XPNPEP2: variants seen among roughly 807,000 people sequenced by gnomAD.
XPNPEP2 encodes xaa-Pro aminopeptidase 2.
Under a neutral mutation model 59.8 loss-of-function variants are expected in XPNPEP2, and 64 were observed. The observed-to-expected ratio is 1.07, with a 90% CI of 0.87 to 1.32. The LOEUF is 1.32. Ranked by LOEUF, XPNPEP2 falls within the 40% of genes most tolerant of loss-of-function variation. The pLI is 0.00. For missense variants in XPNPEP2, 575 were observed against 546.8 expected (o/e 1.05, Z -0.51); for synonymous variants, 235 against 210.0 (o/e 1.12, Z -1.03).
At chrX:129,750,030 C>T (rs771497223) in intron 7 of XPNPEP2, among the ~76,000 whole-genome samples, 132 of 113,016 alleles carry the variant, frequency 1.2e-3, no homozygotes, top group Middle Eastern at 4.6e-3. Context: ...CCCCTTTGTC[C>T]TTCAACTAGG....
rs1410355487 is a variant in XPNPEP2, at chrX:129,743,968, C to T, written c.131C>T (p.Pro44Leu). 3 of 1,204,474 alleles carry T rather than the reference C, an allele frequency of 2.5e-6. No homozygotes were observed. Among genetic ancestry groups the T allele is most frequent in the Non-Finnish European group, 3.4e-6 (3 of 890,086 alleles). The change falls in exon 3 of 21, where the codon CCA becomes CTA. Residue 44 changes from proline to leucine, a missense_variant. Pro to Leu is a moderately conservative substitution (Grantham distance 98, BLOSUM62 -3). Coordinates refer to ENST00000371106, the MANE Select transcript of XPNPEP2 (RefSeq NM_003399.6). ...RNCSTNPPYL[P>L]VTVVNTTMSL... ...CTTCTTGTCATCTGTCAGTACCTTC[C>T]AGTTACTGTGGTCAATACCACAATG...
At position 129,752,206 on chromosome X, in the gene XPNPEP2, G is replaced by C; in HGVS notation, c.878G>C (p.Ser293Thr). The change falls in exon 10 of 21, where the codon AGT becomes ACT. Residue 293 changes from serine (S) to threonine (T), a missense_variant. Coordinates refer to ENST00000371106, the MANE Select transcript of XPNPEP2 (RefSeq NM_003399.6). ...GAAACCTTGAGCTATCTGAACTCCA[G>C]TTGCACAGGCCCCATGTGTGTGCAA... is the stretch of plus-strand genomic sequence containing the variant. Reference protein sequence around the residue: ...SSETLSYLNSSCTGPMCVQIE... With the variant: ...SSETLSYLNSTCTGPMCVQIE... 8.3e-7 allele frequency: 1 copy of C among 1,211,081 alleles called. No individual in the cohort carries two copies. Among genetic ancestry groups the C allele is most frequent in the Non-Finnish European group, 1.1e-6 (1 of 895,141 alleles).
At position 129,742,200 on chromosome X, in the gene XPNPEP2, C is replaced by T. The variant is rs1926201359; in HGVS notation, c.123+19C>T. The stretch of plus-strand genomic sequence containing the variant: ...CCCCCCTGTGAGTGCCCCCTGCCCC[C>T]CGCGCACGGCCCCCCTGGCCCCACG... On this transcript the variant is annotated intron_variant, in intron 2 of 20. Coordinates refer to ENST00000371106, the MANE Select transcript of XPNPEP2 (RefSeq NM_003399.6). The T allele has an allele frequency of 1.1e-6, 1 of 911,420 alleles. No individual in the cohort carries two copies. Among genetic ancestry groups the T allele is most frequent in the Non-Finnish European group, 1.4e-6 (1 of 691,147 alleles). The allele number at this position is 911,420 out of a possible 1,213,427, so 75.1% of individuals were successfully genotyped here.
chrX:129,767,776 C>A, intron 20 of XPNPEP2, 84 bp downstream of exon 20: 2 of 1,035,898 alleles, frequency 1.9e-6, no homozygotes, highest in South Asian at 1.9e-5. Context: ...CTGTCCCTGC[C>A]CCTCCTCCAG....
Position 129,755,325 on chromosome X carries a change from G to A in XPNPEP2, c.1249G>A (p.Glu417Lys), listed in dbSNP as rs773361339. ...EEQFSSGPSF[E>K]TISASGLNAA... ...ACAGTTCTCCTCCGGACCCAGTTTT[G>A]AAACCATCTCTGCTAGTGGTCTGAA... The change falls in exon 13 of 21, where the codon GAA (glutamate) becomes AAA (lysine). Residue 417 changes from glutamate (E) to lysine (K), a missense_variant. Physicochemically the swap from Glu to Lys is moderately conservative, Grantham distance 56. Coordinates refer to ENST00000371106, the MANE Select transcript of XPNPEP2 (RefSeq NM_003399.6). The A allele has an allele frequency of 8.3e-7, 1 of 1,211,986 alleles. No individual in the cohort carries two copies. The highest frequency in any genetic ancestry group is 1.8e-5 in the South Asian group (1 of 57,010).
chrX:129,742,788 G>T (rs190510267), intron 2 of XPNPEP2, among the ~76,000 whole-genome samples: 3 of 111,713 alleles, frequency 2.7e-5, no homozygotes, highest in African/African-American at 9.8e-5. Context: ...TGTAATCCCC[G>T]CTACTCAGGA....
chrX:129,745,090 G>T, intron 3 of XPNPEP2, 113 bp from the exon 4 acceptor site: 1 of 907,035 alleles, frequency 1.1e-6, no homozygotes, highest in Non-Finnish European at 1.6e-6. Context: ...TGGGCTTGTA[G>T]CTGACAAGGG....
chrX:129,755,844 AG>A (rs921427810), intron 13 of XPNPEP2, among the ~76,000 whole-genome samples: 2 of 112,597 alleles, frequency 1.8e-5, no homozygotes, highest in Admixed American at 1.9e-4. Flanking sequence ...ATGCCCTCCA[AG>A]GGAGTGCCTG....
rs763876477 is a variant in XPNPEP2, at chrX:129,750,455, C to A, written c.638-13C>A. On this transcript the variant is annotated splice_polypyrimidine_tract_variant and intron_variant, in intron 7 of 20. Coordinates refer to ENST00000371106, the MANE Select transcript of XPNPEP2 (RefSeq NM_003399.6). ...CTGTCACTTACACTTTTTTGGGGCT[C>A]CTTTGCTTCTAGGGAGCACTTGGCA... is the stretch of plus-strand genomic sequence containing the variant. The A allele has an allele frequency of 2.5e-6, 3 of 1,177,239 alleles. No individual in the cohort carries two copies. The African/African-American group carries it at 5.3e-5, about 21-fold the overall frequency.
rs751687483 is a variant in XPNPEP2, at chrX:129,739,003, G to T, written c.-211G>T. ...CACAGTCCGCCTCGGGCAGCCCAAA[G>T]CTCCTCTGCCCACCCTGGCTCCCAG... On this transcript the variant is annotated 5_prime_UTR_variant, in exon 1 of 21. Coordinates refer to ENST00000371106, the MANE Select transcript of XPNPEP2 (RefSeq NM_003399.6). The T allele has an allele frequency of 2.3e-6, 1 of 439,502 alleles. No individual in the cohort carries two copies. The highest frequency in any genetic ancestry group is 4.0e-6 in the Non-Finnish European group (1 of 252,947). The allele number at this position is 439,502 out of a possible 1,213,427, so 36.2% of individuals were successfully genotyped here. A position where few individuals can be genotyped will look rare whatever the true frequency, so the allele number is the denominator to read the frequency against.
Position 129,762,693 on chromosome X carries a change from G to T in XPNPEP2, c.1664-1G>T. Reference sequence around the variant, plus strand: ...GCCACCAGCATCTCTGTGTCTCCCAGAACCTGGTTACTATAAGGATGGAGA... The same window carrying T: ...GCCACCAGCATCTCTGTGTCTCCCATAACCTGGTTACTATAAGGATGGAGA... On this transcript the variant is annotated splice_acceptor_variant, in intron 18 of 20. Transcript: ENST00000371106. LOFTEE classifies it high-confidence loss of function. The T allele has an allele frequency of 8.3e-7, 1 of 1,211,404 alleles. No homozygotes were observed. The highest frequency in any genetic ancestry group is 1.7e-5 in the African/African-American group (1 of 57,848).
chrX:129,759,408 C>T (rs1453974894), intron 15 of XPNPEP2, among the ~76,000 whole-genome samples, 168 bp downstream of exon 15: 1 of 112,709 alleles, frequency 8.9e-6, no homozygotes, highest in Non-Finnish European at 1.9e-5. Flanking sequence ...GCTGCTTCCC[C>T]GGGGATATTT....
intron 8 of XPNPEP2, among the ~76,000 whole-genome samples, 200 bp from the exon 9 acceptor site, chrX:129,751,545 A>AGAAG: frequency 2.5e-5 from 1 of 39,541 alleles, no homozygotes; most frequent in Non-Finnish European, 4.5e-5. Flanking sequence ...GAAGAAAGAA[A>AGAAG]GAAAGAAAGA....
chrX:129,747,592 T>C lies in XPNPEP2; in HGVS notation c.491-15T>C, dbSNP rs1175966755. ...AAATGGGCAAGGGACAAGTGACTCC[T>C]TCTTGTCTCTGCAGACACCTGGGAG... is the stretch of plus-strand genomic sequence containing the variant. On this transcript the variant is annotated splice_polypyrimidine_tract_variant and intron_variant, in intron 6 of 20. Coordinates refer to ENST00000371106, the MANE Select transcript of XPNPEP2 (RefSeq NM_003399.6). The C allele has an allele frequency of 1.7e-6, 2 of 1,208,104 alleles. No homozygotes were observed. Among genetic ancestry groups the C allele is most frequent in the Non-Finnish European group, 2.2e-6 (2 of 893,645 alleles).
chrX:129,751,212 A>C (rs1020914047), intron 8 of XPNPEP2, among the ~76,000 whole-genome samples: 3 of 107,336 alleles, frequency 2.8e-5, no homozygotes, highest in Admixed American at 2.0e-4. Context: ...AAAGTGTCAG[A>C]AATGCTTGCC....
rs1341690934 is a variant in XPNPEP2, at chrX:129,747,633, C to T, written c.517C>T (p.Leu173Phe). 5.0e-6 allele frequency: 6 copies of T among 1,210,319 alleles called. No individual in the cohort carries two copies. Among genetic ancestry groups the T allele is most frequent in the Non-Finnish European group, 5.6e-6 (5 of 895,353 alleles). ...IDTWESYDLA[L>F]QGSNRQLVSI... is the part of the protein sequence containing the mutation. The stretch of plus-strand genomic sequence containing the variant: ...CACCTGGGAGAGTTATGATCTGGCC[C>T]TCCAAGGCTCTAACAGACAGCTGGT... The change falls in exon 7 of 21, where the codon CTC (leucine) becomes TTC (phenylalanine). Residue 173 changes from leucine to phenylalanine, a missense_variant. Coordinates refer to ENST00000371106, the MANE Select transcript of XPNPEP2 (RefSeq NM_003399.6).
chrX:129,761,175 G>T lies in XPNPEP2; in HGVS notation c.1502G>T (p.Arg501Leu), dbSNP rs763557610. The change falls in exon 17 of 21, where the codon CGA becomes CTA. Residue 501 changes from arginine to leucine, a missense_variant. Physicochemically the swap from Arg to Leu is moderately radical, Grantham distance 102 (BLOSUM62 -2). Transcript: ENST00000371106. ...RLIFPAATSG[R>L]MVEAFARRAL... ...GTCAATCTCTCTTCCCTTCCAGGGC[G>T]AATGGTGGAGGCCTTTGCCCGCAGA... 8.3e-7 allele frequency: 1 copy of T among 1,209,479 alleles called. No homozygotes were observed. Among genetic ancestry groups the T allele is most frequent in the Admixed American group, 2.2e-5 (1 of 45,836 alleles).
chrX:129,738,984 C>G lies in XPNPEP2; in HGVS notation c.-230C>G, dbSNP rs958219099. ...CTACACGACTAGGAACTTGCACAGT[C>G]CGCCTCGGGCAGCCCAAAGCTCCTC... On this transcript the variant is annotated 5_prime_UTR_variant, in exon 1 of 21. Transcript: ENST00000371106. The G allele has an allele frequency of 2.4e-6, 1 of 419,086 alleles. No homozygotes were observed. The highest frequency in any genetic ancestry group is 4.1e-6 in the Non-Finnish European group (1 of 241,396). 34.5% of individuals were successfully genotyped at this position (419,086 alleles called of 1,213,427 possible).
chrX:129,755,007 C>T (rs926154416), intron 12 of XPNPEP2, among the ~76,000 whole-genome samples: 1 of 111,768 alleles, frequency 8.9e-6, no homozygotes, highest in Non-Finnish European at 1.9e-5. Flanking sequence ...TCTCCCAGGA[C>T]TGGGGGAGTT....
Sources: allele counts gnomAD v4.1 joint callset (sites outside exome capture counted in the v4.1 genomes callset), GRCh38; gene constraint gnomAD v4.1.1; transcripts MANE v1.5; gene names NCBI Gene and HGNC (gene_info 2026-07-23, HGNC 2026-07-21).